KCNJ6: variants seen among roughly 807,000 people sequenced by gnomAD.
KCNJ6 encodes potassium inwardly rectifying channel subfamily J member 6.
Under a neutral mutation model 34.2 loss-of-function variants are expected in KCNJ6, and 9 were observed. The ratio of observed to expected loss-of-function variants is 0.26; its 90% CI spans 0.16 to 0.46. The LOEUF is 0.46. Among genes scored for constraint, KCNJ6 ranks in the 20% least tolerant of loss-of-function variants. The pLI, the probability that KCNJ6 is intolerant of heterozygous loss-of-function variation, is 1.00. For missense variants in KCNJ6, 236 were observed against 531.3 expected, an observed-to-expected ratio of 0.44 and a Z score of 5.46; for synonymous variants, 196 against 207.1, an observed-to-expected ratio of 0.95 and a Z score of 0.46.
At chr21:37,815,045 T>G (rs1482967204) in intron 2 of KCNJ6, among the ~76,000 whole-genome samples, 1 of 152,106 alleles carries the variant, frequency 6.6e-6, no homozygotes, top group African/African-American at 2.4e-5. Flanking sequence ...TTCTCACTTA[T>G]TTTTGGGATC....
At position 37,713,928 on chromosome 21, in the gene KCNJ6, A is replaced by G. The variant is rs2054776214; in HGVS notation, c.946+283T>C. Among the ~76,000 whole-genome samples, 4 of 152,206 alleles carry G rather than the reference A, an allele frequency of 2.6e-5. No individual in the cohort carries two copies. In the South Asian group the frequency reaches 8.3e-4, roughly 31 times the overall value. ...AAAACATGCTTTAGAGACAGATCAGAGTTTAATTTAGGTAAATATTTGGAG... is the reference window on the plus strand; with the variant it reads ...AAAACATGCTTTAGAGACAGATCAGGGTTTAATTTAGGTAAATATTTGGAG... On this transcript the variant is annotated intron_variant, in intron 3 of 3. Transcript: ENST00000609713.
At chr21:37,880,831 A>G (rs10775659) in intron 1 of KCNJ6, among the ~76,000 whole-genome samples, 117,516 of 152,218 alleles carry the variant, frequency 0.77, 46,453 homozygotes, top group African/African-American at 0.94. Context: ...ACAACTCACG[A>G]ATCTCATCCT....
At position 37,855,000 on chromosome 21, in the gene KCNJ6, C is replaced by T. The variant is rs189926445; in HGVS notation, c.-27-14291G>A. On this transcript the variant is annotated intron_variant, in intron 1 of 3. Transcript: ENST00000609713. The stretch of plus-strand genomic sequence containing the variant: ...ATACAGAGAAAATCAACATCATCAA[C>T]CAACAGGATCAAATCAATGTTTATA... Among the ~76,000 whole-genome samples, 704 of 152,268 alleles carry T rather than the reference C, an allele frequency of 4.6e-3. 8 individuals carry two copies. The highest frequency in any genetic ancestry group is 6.7e-3 in the Non-Finnish European group (456 of 68,002).
chr21:37,624,918 G>A lies in KCNJ6; in HGVS notation c.*241C>T. 1 of 549,388 alleles carries A rather than the reference G, an allele frequency of 1.8e-6. No individual in the cohort carries two copies. Among genetic ancestry groups the A allele is most frequent in the Admixed American group, 3.2e-5 (1 of 30,970 alleles). 34.0% of individuals were successfully genotyped at this position (549,388 alleles called of 1,614,324 possible). On this transcript the variant is annotated 3_prime_UTR_variant, in exon 4 of 4. Coordinates refer to ENST00000609713, the MANE Select transcript of KCNJ6 (RefSeq NM_002240.5). ...TGTGTAGTATTTTGGGAGGAGACCA[G>A]GCTTGGGCCACAAATGAGGGCACTT...
rs2054558836 is a variant in KCNJ6, at chr21:37,675,113, T to C, written c.946+39098A>G. 6.6e-6 allele frequency among the ~76,000 whole-genome samples: 1 copy of C among 152,176 alleles called. No individual in the cohort carries two copies. Among genetic ancestry groups the C allele is most frequent in the African/African-American group, 2.4e-5 (1 of 41,450 alleles). ...CCCTTCGCACCACTTTCTAAGTGTC[T>C]CCTTTGGACTGGGCCCTTGAGCCAT... On this transcript the variant is annotated intron_variant, in intron 3 of 3. Coordinates refer to ENST00000609713, the MANE Select transcript of KCNJ6 (RefSeq NM_002240.5). The surrounding 1 kb of genome is among the most constrained non-coding windows in gnomAD (Gnocchi z 4.2).
chr21:37,633,346 C>T (rs184588481), intron 3 of KCNJ6, among the ~76,000 whole-genome samples: 35 of 152,202 alleles, frequency 2.3e-4, no homozygotes, highest in African/African-American at 7.7e-4. Context: ...TCTAAACAAT[C>T]ATTATTTTTG....
intron 2 of KCNJ6, among the ~76,000 whole-genome samples, chr21:37,764,899 A>G (rs2055083494): frequency 1.3e-5 from 2 of 152,220 alleles, no homozygotes; most frequent in African/African-American, 4.8e-5. Flanking sequence ...GATGCAGGCC[A>G]AGAGGCACCG....
intron 2 of KCNJ6, among the ~76,000 whole-genome samples, chr21:37,729,242 G>C (rs1455168135): frequency 6.6e-6 from 1 of 151,932 alleles, no homozygotes; most frequent in Non-Finnish European, 1.5e-5. Flanking sequence ...TGGGTAAAAT[G>C]TGCAATTTCA....
At chr21:37,839,393 G>T (rs1030612611) in intron 2 of KCNJ6, among the ~76,000 whole-genome samples, 1 of 152,096 alleles carries the variant, frequency 6.6e-6, no homozygotes, top group Non-Finnish European at 1.5e-5. Flanking sequence ...ACAGAGGTTT[G>T]GGGTCAGGAA....
intron 2 of KCNJ6, among the ~76,000 whole-genome samples, chr21:37,780,357 A>G (rs189246568): frequency 1.3e-5 from 2 of 152,316 alleles, no homozygotes; most frequent in Non-Finnish European, 2.9e-5. Context: ...ATTTTAGGGC[A>G]GTGAAACCCT....
intron 1 of KCNJ6, among the ~76,000 whole-genome samples, chr21:37,850,186 C>G (rs544595761): frequency 1.3e-5 from 2 of 152,148 alleles, no homozygotes; most frequent in East Asian, 3.9e-4. Flanking sequence ...TTTATTTGAT[C>G]AGAGGTAGGT....
intron 3 of KCNJ6, among the ~76,000 whole-genome samples, chr21:37,655,710 T>C (rs1432716093): frequency 6.6e-6 from 1 of 151,918 alleles, no homozygotes; most frequent in Admixed American, 6.5e-5. Context: ...CTCTGATTCT[T>C]AGTGGTAACC....
chr21:37,711,614 AT>A (rs1569449832), intron 3 of KCNJ6, among the ~76,000 whole-genome samples: 1 of 151,904 alleles, frequency 6.6e-6, no homozygotes, highest in Non-Finnish European at 1.5e-5. Context: ...AGATTGAAGC[AT>A]TTTTCTCCCC....
intron 3 of KCNJ6, among the ~76,000 whole-genome samples, chr21:37,644,383 T>TA (rs1271270317): frequency 2.0e-5 from 3 of 152,098 alleles, no homozygotes; most frequent in Admixed American, 6.5e-5. Flanking sequence ...AAATAAAAGT[T>TA]AAAAAAAGGA....
At position 37,905,052 on chromosome 21, in the gene KCNJ6, C is replaced by T. The variant is rs145011120; in HGVS notation, c.-28+10832G>A. ...TCTGCGCCTGGACTGCAGCCACGTG[C>T]GCTCCCTCTGGCCCATGCAGTGTGG... On this transcript the variant is annotated intron_variant, in intron 1 of 3. Coordinates refer to ENST00000609713, the MANE Select transcript of KCNJ6 (RefSeq NM_002240.5). Among the ~76,000 whole-genome samples the T allele has an allele frequency of 2.2e-3, 332 of 152,336 alleles. 1 individual carries two copies. The highest frequency in any genetic ancestry group is 6.9e-3 in the African/African-American group (286 of 41,566).
In KCNJ6 at chr21:37,801,435, G is replaced by A. The variant is rs2055268886; in HGVS notation, c.25+39223C>T. 3.9e-5 allele frequency among the ~76,000 whole-genome samples: 6 copies of A among 152,296 alleles called. No homozygotes were observed. The South Asian group carries it at 1.2e-3, about 32-fold the overall frequency. ...TTGTCCTGCCTCTCTGGTGACCCCA[G>A]CTCTTTTCACATCACTTTGCTTGCC... is the stretch of plus-strand genomic sequence containing the variant. On this transcript the variant is annotated intron_variant, in intron 2 of 3. Transcript: ENST00000609713.
chr21:37,689,740 C>T (rs1009455945), intron 3 of KCNJ6, among the ~76,000 whole-genome samples: 6 of 152,054 alleles, frequency 3.9e-5, no homozygotes, highest in African/African-American at 2.4e-5. Context: ...CATGGCCCAC[C>T]GTGAAAGAAA....
intron 2 of KCNJ6, among the ~76,000 whole-genome samples, chr21:37,802,849 A>T (rs2055275727): frequency 6.6e-6 from 1 of 152,100 alleles, no homozygotes; most frequent in Non-Finnish European, 1.5e-5. Flanking sequence ...ATCAGTGGGG[A>T]GCAGAAAGGT....
intron 2 of KCNJ6, among the ~76,000 whole-genome samples, chr21:37,791,061 A>C (rs564749877): frequency 6.6e-6 from 1 of 152,156 alleles, no homozygotes. Flanking sequence ...GCTTCATCCC[A>C]AAGTGTTGGC....
Sources: gnomAD v4.1 joint callset for allele counts (sites outside exome capture counted in the v4.1 genomes callset) on GRCh38, gnomAD v4.1.1 for gene constraint, Gnocchi (gnomAD v3.1) non-coding constraint, MANE v1.5 for transcripts, NCBI Gene and HGNC (gene_info 2026-07-23, HGNC 2026-07-21) for gene names.